UNC5D: variants seen among roughly 807,000 people sequenced by gnomAD.
UNC5D encodes netrin receptor UNC5D.
In UNC5D, 39 loss-of-function variants were observed where a neutral mutation model predicts 105.4. The ratio of observed to expected loss-of-function variants is 0.37; its 90% CI spans 0.29 to 0.48. UNC5D has a LOEUF of 0.48. Among genes scored for constraint, UNC5D ranks in the 20% least tolerant of loss-of-function variants. UNC5D has a pLI of 0.98. For synonymous variants in UNC5D, 452 were observed against 450.4 expected (o/e 1.00, Z -0.04); for missense variants, 991 against 1,202.4 (o/e 0.82, Z 2.60).
chr8:35,625,538 T>C (rs1215886820), intron 4 of UNC5D, among the ~76,000 whole-genome samples: 1 of 152,224 alleles, frequency 6.6e-6, no homozygotes, highest in African/African-American at 2.4e-5. Flanking sequence ...ATGGTTTTTG[T>C]ACACATACTG....
chr8:35,503,003 G>C (rs1485065397), intron 1 of UNC5D, among the ~76,000 whole-genome samples: 1 of 152,090 alleles, frequency 6.6e-6, no homozygotes, highest in African/African-American at 2.4e-5. Flanking sequence ...ATATCACTTT[G>C]GAATTTGTTA....
intron 1 of UNC5D, among the ~76,000 whole-genome samples, chr8:35,338,872 G>A (rs559278696): frequency 1.3e-5 from 2 of 152,106 alleles, no homozygotes; most frequent in African/African-American, 4.8e-5. Context: ...TCAGGCCCTT[G>A]AAAGCTACTA....
rs1024923409 is a variant in UNC5D at position 35,235,500 on chromosome 8, G to GC, written c.-284dup. 6.6e-6 allele frequency: 2 copies of GC among 303,134 alleles called. No homozygotes were observed. The highest frequency in any genetic ancestry group is 4.3e-5 in the African/African-American group (2 of 46,008). The allele number at this position is 303,134 out of a possible 1,614,324, so 18.8% of individuals were successfully genotyped here. On this transcript the variant is annotated 5_prime_UTR_variant, in exon 1 of 17. Coordinates refer to ENST00000404895, the MANE Select transcript of UNC5D (RefSeq NM_080872.4). ...CCGTAGTTCGGGGCCCGGCAGCGGCGCGAGGGCTGGGAACTGCGCGGCGGG... is the reference window on the plus strand; with the variant it reads ...CCGTAGTTCGGGGCCCGGCAGCGGCGCCGAGGGCTGGGAACTGCGCGGCGGG...
chr8:35,413,284 TG>T (rs1189167853), intron 1 of UNC5D, among the ~76,000 whole-genome samples: 35 of 14,800 alleles, frequency 2.4e-3, no homozygotes, highest in Non-Finnish European at 7.4e-3. Context: ...TGTGTGTGTG[TG>T]TGTGTGTTGT....
chr8:35,315,667 G>A (rs1168851325), intron 1 of UNC5D, among the ~76,000 whole-genome samples: 3 of 152,134 alleles, frequency 2.0e-5, no homozygotes, highest in Admixed American at 6.6e-5. Context: ...AAGCATGTGC[G>A]GCCAATTTTG....
intron 15 of UNC5D, among the ~76,000 whole-genome samples, chr8:35,767,557 A>G (rs16884405): frequency 0.08 from 12,100 of 151,782 alleles, 1,340 homozygotes; most frequent in African/African-American, 0.25. Flanking sequence ...TGTTTCTCAT[A>G]CTCCCCAGGC....
At chr8:35,575,397 T>G (rs1586166652) in intron 3 of UNC5D, among the ~76,000 whole-genome samples, 1 of 152,316 alleles carries the variant, frequency 6.6e-6, no homozygotes, top group Admixed American at 6.5e-5. Context: ...GGCATCTGGC[T>G]TCTTAGTGAA....
At chr8:35,589,222 A>G (rs1269095013) in intron 3 of UNC5D, among the ~76,000 whole-genome samples, 1 of 152,104 alleles carries the variant, frequency 6.6e-6, no homozygotes, top group Non-Finnish European at 1.5e-5. Context: ...CTTAATCTGA[A>G]TATTTACCTG....
intron 1 of UNC5D, among the ~76,000 whole-genome samples, chr8:35,374,356 A>G (rs1239689567): frequency 6.6e-6 from 1 of 152,192 alleles, no homozygotes; most frequent in Non-Finnish European, 1.5e-5. Context: ...GTTAATGAGA[A>G]TGAGTTTTCA....
At chr8:35,368,361 C>CCA (rs201938872) in intron 1 of UNC5D, among the ~76,000 whole-genome samples, 12 of 151,330 alleles carry the variant, frequency 7.9e-5, no homozygotes, top group Non-Finnish European at 1.3e-4. Context: ...ACCCACCCAC[C>CCA]CACACACACA....
At chr8:35,432,508 C>T (rs994183012) in intron 1 of UNC5D, among the ~76,000 whole-genome samples, 1 of 152,108 alleles carries the variant, frequency 6.6e-6, no homozygotes, top group African/African-American at 2.4e-5. Flanking sequence ...AAACTTTATC[C>T]ACTTCACTCT....
chr8:35,236,844 C>G (rs192894401), intron 1 of UNC5D, among the ~76,000 whole-genome samples: 1 of 152,134 alleles, frequency 6.6e-6, no homozygotes, highest in Non-Finnish European at 1.5e-5. Context: ...CCTTCTTTCC[C>G]TTTTTCCTTC....
At chr8:35,421,661 C>T (rs1805912304) in intron 1 of UNC5D, among the ~76,000 whole-genome samples, 1 of 151,952 alleles carries the variant, frequency 6.6e-6, no homozygotes, top group East Asian at 1.9e-4. Context: ...AGTTATATAT[C>T]AGATATCTAC....
At chr8:35,620,604 AG>A (rs1161896257) in intron 4 of UNC5D, among the ~76,000 whole-genome samples, 8 of 152,132 alleles carry the variant, frequency 5.3e-5, no homozygotes, top group African/African-American at 1.9e-4. Context: ...AGTCTCACTT[AG>A]GCAATTATGG....
intron 1 of UNC5D, among the ~76,000 whole-genome samples, chr8:35,428,284 A>T (rs1309491239): frequency 6.6e-6 from 1 of 151,220 alleles, no homozygotes; most frequent in Non-Finnish European, 1.5e-5. Context: ...GGGCTTAAGC[A>T]ATCCTCCCAC....
intron 12 of UNC5D, among the ~76,000 whole-genome samples, chr8:35,749,827 A>G (rs1830176818): frequency 6.6e-6 from 1 of 152,174 alleles, no homozygotes. Flanking sequence ...CACATATACT[A>G]AAGTTCTTAT....
At chr8:35,734,721 T>G (rs1000709189) in intron 11 of UNC5D, among the ~76,000 whole-genome samples, 1 of 152,042 alleles carries the variant, frequency 6.6e-6, no homozygotes, top group Non-Finnish European at 1.5e-5. Flanking sequence ...GGGTATTTCT[T>G]TTTTTACATT....
chr8:35,581,906 A>G (rs1586179071), intron 3 of UNC5D, among the ~76,000 whole-genome samples: 1 of 152,038 alleles, frequency 6.6e-6, no homozygotes, highest in African/African-American at 2.4e-5. Flanking sequence ...CATCCTGTTC[A>G]CCTAAAAGTC....
chr8:35,371,332 T>C (rs769961592), intron 1 of UNC5D, among the ~76,000 whole-genome samples: 6 of 152,186 alleles, frequency 3.9e-5, no homozygotes, highest in Non-Finnish European at 8.8e-5. Flanking sequence ...GTCCCATTAA[T>C]ATAGAAAAGA....
Sources: gnomAD v4.1 joint callset for allele counts (sites outside exome capture counted in the v4.1 genomes callset) on GRCh38, gnomAD v4.1.1 for gene constraint, MANE v1.5 for transcripts, NCBI Gene and HGNC (gene_info 2026-07-23, HGNC 2026-07-21) for gene names.